The following HDAC9 variants were observed in gnomAD, a reference collection of about 807,000 sequenced individuals.
HDAC9 encodes histone deacetylase 9, also known as MEF-2 interacting transcription repressor (MITR) protein.
A neutral mutation model predicts 139.4 loss-of-function variants in HDAC9; 41 were observed. That is an observed-to-expected ratio of 0.29 (90% CI 0.23 to 0.38). The LOEUF (loss-of-function observed/expected upper bound fraction) is 0.38, where lower values mean the gene tolerates loss of function less well. Among genes scored for constraint, HDAC9 ranks in the 10% least tolerant of loss-of-function variants. The probability of loss-of-function intolerance (pLI) is 1.00; values close to 1 mark genes in which losing one functional copy is unlikely to be tolerated. For missense variants in HDAC9, 1,147 were observed against 1,297.0 expected, an observed-to-expected ratio of 0.88 and a Z score of 1.78; for synonymous variants, 517 against 476.2, an observed-to-expected ratio of 1.09 and a Z score of -1.12.
Position 18,591,640 on chromosome 7 carries a change from C to T in HDAC9, c.540C>T (p.Tyr180=). Residue 180 remains tyrosine (Y), a splice_region_variant and synonymous_variant, in exon 5 of 26, where the codon TAC becomes TAT. Transcript: ENST00000686413. ...TGAGCCGCCATCCCAAGCTCTGGTA[C>T]ACGTATGTTCAGTGTTTGGCTGTTT... ...HSVSRHPKLW[Y]TAAHHTSLDQ... The T allele has an allele frequency of 1.2e-6, 2 of 1,612,970 alleles. No individual in the cohort carries two copies. The highest frequency in any genetic ancestry group is 1.7e-6 in the Non-Finnish European group (2 of 1,179,362).
intron 12 of HDAC9, among the ~76,000 whole-genome samples, chr7:18,720,326 A>G (rs1785047389): frequency 6.6e-6 from 1 of 151,652 alleles, no homozygotes; most frequent in South Asian, 2.1e-4. Context: ...TTTAATTTTA[A>G]TTATAATTAC....
intron 23 of HDAC9, among the ~76,000 whole-genome samples, chr7:18,942,320 A>G (rs894746662): frequency 6.6e-6 from 1 of 152,116 alleles, no homozygotes; most frequent in Non-Finnish European, 1.5e-5. Context: ...AAGCATAGAT[A>G]AAGACATTAA....
At chr7:18,774,542 G>A (rs1434372374) in intron 16 of HDAC9, among the ~76,000 whole-genome samples, 1 of 151,952 alleles carries the variant, frequency 6.6e-6, no homozygotes, top group East Asian at 1.9e-4. Context: ...GTTTACAGTA[G>A]CATTATATCT....
intron 1 of HDAC9, among the ~76,000 whole-genome samples, chr7:18,400,519 T>C (rs116674296): frequency 6.6e-6 from 1 of 152,164 alleles, no homozygotes; most frequent in South Asian, 2.1e-4. Flanking sequence ...ACTGTGAAGT[T>C]GGACATGGGG....
chr7:18,120,998 G>T (rs73315721), intron 1 of HDAC9, among the ~76,000 whole-genome samples: 2,562 of 152,144 alleles, frequency 0.017, 84 homozygotes, highest in African/African-American at 0.058. Context: ...ATGAGAGAAT[G>T]GCCAAATTGC....
chr7:18,431,908 T>C (rs1299330167), intron 1 of HDAC9, among the ~76,000 whole-genome samples: 1 of 152,218 alleles, frequency 6.6e-6, no homozygotes, highest in Non-Finnish European at 1.5e-5. Context: ...GAGTACTATT[T>C]TCATTGCCTA....
At chr7:18,424,103 G>A (rs1463056282) in intron 1 of HDAC9, among the ~76,000 whole-genome samples, 1 of 152,032 alleles carries the variant, frequency 6.6e-6, no homozygotes, top group East Asian at 1.9e-4. Flanking sequence ...CCTTGATTTG[G>A]AGCTATGACA....
At chr7:18,800,741 G>A (rs1174728870) in intron 17 of HDAC9, among the ~76,000 whole-genome samples, 1 of 152,132 alleles carries the variant, frequency 6.6e-6, no homozygotes, top group Non-Finnish European at 1.5e-5. Flanking sequence ...GCTGAGATGG[G>A]AGGATTGCTT....
chr7:18,324,807 G>A (rs1800310167), intron 1 of HDAC9, among the ~76,000 whole-genome samples: 1 of 152,230 alleles, frequency 6.6e-6, no homozygotes, highest in East Asian at 1.9e-4. Flanking sequence ...AATAACTTTA[G>A]CATTTACAGA....
At chr7:18,732,872 C>CACGTGTGCGTATGTGTAT (rs1786361666) in intron 13 of HDAC9, among the ~76,000 whole-genome samples, 1 of 85,528 alleles carries the variant, frequency 1.2e-5, no homozygotes, top group Non-Finnish European at 2.3e-5. Flanking sequence ...TATGTGTACA[C>CACGTGTGCGTATGTGTAT]ACACACGTGT....
At position 18,869,812 on chromosome 7, in the gene HDAC9, G is replaced by T. The variant is rs113003679; in HGVS notation, c.2685-4666G>T. 8.2e-3 allele frequency among the ~76,000 whole-genome samples: 1,254 copies of T among 152,116 alleles called. 20 individuals carry two copies. Among genetic ancestry groups the T allele is most frequent in the African/African-American group, 0.029 (1,194 of 41,526 alleles). Reference sequence around the variant, plus strand: ...TTTCCTGACACAGGCTCAATTGGATGGAGTGTCTCTCATCTCTTCTGTGGT... The same window carrying T: ...TTTCCTGACACAGGCTCAATTGGATTGAGTGTCTCTCATCTCTTCTGTGGT... On this transcript the variant is annotated intron_variant, in intron 21 of 25. Coordinates refer to ENST00000686413, the MANE Select transcript of HDAC9 (RefSeq NM_178425.4).
chr7:18,578,415 T>C (rs889986814), intron 2 of HDAC9, among the ~76,000 whole-genome samples: 1 of 152,150 alleles, frequency 6.6e-6, no homozygotes, highest in Non-Finnish European at 1.5e-5. Flanking sequence ...TGTTTTCTGT[T>C]TTGTGTCACT....
At chr7:18,527,865 G>C (rs951121697) in intron 2 of HDAC9, among the ~76,000 whole-genome samples, 8 of 152,054 alleles carry the variant, frequency 5.3e-5, no homozygotes. Flanking sequence ...ACAGTTTACA[G>C]TTTACAGTTC....
chr7:18,678,026 G>A (rs1024757581), intron 12 of HDAC9, among the ~76,000 whole-genome samples: 4 of 151,788 alleles, frequency 2.6e-5, no homozygotes, highest in Non-Finnish European at 4.4e-5. Context: ...TACAGGATTC[G>A]ATTTTTCAGC....
chr7:18,396,830 G>A (rs1312329112), intron 1 of HDAC9, among the ~76,000 whole-genome samples: 1 of 152,110 alleles, frequency 6.6e-6, no homozygotes, highest in South Asian at 2.1e-4. Context: ...CCTTGTTGCC[G>A]ATTTTGATGG....
At chr7:18,690,002 A>G (rs954424922) in intron 12 of HDAC9, among the ~76,000 whole-genome samples, 31 of 152,006 alleles carry the variant, frequency 2.0e-4, no homozygotes, top group African/African-American at 6.8e-4. Context: ...GACATCAAGC[A>G]GTGGTGTTTC....
intron 2 of HDAC9, among the ~76,000 whole-genome samples, chr7:18,275,175 T>TG (rs1347220033): frequency 6.6e-6 from 1 of 152,204 alleles, no homozygotes; most frequent in Non-Finnish European, 1.5e-5. Context: ...CAGAAATTTT[T>TG]GAAAAATCAT....
intron 12 of HDAC9, among the ~76,000 whole-genome samples, chr7:18,720,752 G>C (rs1386793059): frequency 6.6e-6 from 1 of 151,456 alleles, no homozygotes; most frequent in African/African-American, 2.4e-5. Context: ...CCTGATCGTG[G>C]CTCACTGCAG....
chr7:18,172,604 C>G (rs985705158), intron 2 of HDAC9, among the ~76,000 whole-genome samples: 7 of 152,132 alleles, frequency 4.6e-5, no homozygotes, highest in Non-Finnish European at 1.0e-4. Context: ...ATAAATTTCC[C>G]TCTACACACT....
Sources: gnomAD v4.1 joint callset for allele counts (sites outside exome capture counted in the v4.1 genomes callset) on GRCh38, gnomAD v4.1.1 for gene constraint, MANE v1.5 for transcripts, NCBI Gene and HGNC (gene_info 2026-07-23, HGNC 2026-07-21) for gene names.